Variants in CIB2 observed in about 807,000 individuals in gnomAD.
CIB2 encodes calcium and integrin binding family member 2.
CIB2 carries 19 observed loss-of-function variants against 23.1 expected under a neutral mutation model. The observed-to-expected ratio is 0.82, with a 90% CI of 0.57 to 1.21. The LOEUF (loss-of-function observed/expected upper bound fraction) is 1.21, where lower values mean the gene tolerates loss of function less well. Among genes scored for constraint, CIB2 ranks in the 50% most tolerant of loss-of-function variants. CIB2 has a pLI of 0.00. For missense variants in CIB2, 220 were observed against 241.5 expected, an observed-to-expected ratio of 0.91 and a Z score of 0.59; for synonymous variants, 94 against 91.7, an observed-to-expected ratio of 1.03 and a Z score of -0.14.
At chr15:78,111,417 C>T (rs1292994831) in intron 2 of CIB2, 141 bp from the exon 3 acceptor site, 4 of 644,460 alleles carry the variant, frequency 6.2e-6, no homozygotes, top group Admixed American at 2.9e-5. Flanking sequence ...AGGCTCTCTG[C>T]TCTGCCCACA....
chr15:78,109,255 T>C lies in CIB2; in HGVS notation c.326A>G (p.Asn109Ser). 5.4e-6 allele frequency: 8 copies of C among 1,485,162 alleles called. No homozygotes were observed. The highest frequency in any genetic ancestry group is 7.3e-6 in the Non-Finnish European group (8 of 1,102,622). 92.0% of individuals were successfully genotyped at this position (1,485,162 alleles called of 1,614,324 possible). The part of the protein sequence containing the change: ...CESAPRELKA[N>S]YAFKIYDFNT... Reference sequence around the variant, plus strand: ...GTTACCATAGATCTTGAAGGCATAGTTTGCCTTGAGCTCTCGGGGAGCCGA... The same window carrying C: ...GTTACCATAGATCTTGAAGGCATAGCTTGCCTTGAGCTCTCGGGGAGCCGA... Residue 109 changes from asparagine (N) to serine (S), a missense_variant, in exon 4 of 6, where the codon AAC (asparagine) becomes AGC (serine). Physicochemically the swap from Asn to Ser is conservative, Grantham distance 46. Coordinates refer to ENST00000258930, the MANE Select transcript of CIB2 (RefSeq NM_006383.4).
At chr15:78,105,981 C>T (rs771759537) in intron 4 of CIB2, 47 bp from the exon 5 acceptor site, 9 of 1,515,036 alleles carry the variant, frequency 5.9e-6, no homozygotes, top group Non-Finnish European at 8.2e-6. Flanking sequence ...TGCGTGCACC[C>T]AGGGACCCCT....
rs369495332 is a variant in CIB2, at chr15:78,105,941, G to T, written c.347-7C>A. The T allele has an allele frequency of 9.3e-5, 150 of 1,613,000 alleles. No homozygotes were observed. Among genetic ancestry groups the T allele is most frequent in the Non-Finnish European group, 1.2e-4 (140 of 1,179,328 alleles). On this transcript the variant is annotated splice_polypyrimidine_tract_variant and splice_region_variant and intron_variant, in intron 4 of 5. Transcript: ENST00000258930. ...AAGTTGTCAGTGTTGAAGTCTGTAG[G>T]GCAGGGGTTGGACATGTTCAAGTCC...
intron 2 of CIB2, among the ~76,000 whole-genome samples, chr15:78,117,652 G>C (rs1042817677): frequency 6.6e-6 from 1 of 152,142 alleles, no homozygotes; most frequent in African/African-American, 2.4e-5. Context: ...CTATAAACCT[G>C]GGTTTCTTAA....
At chr15:78,119,186 G>A (rs67000301) in intron 2 of CIB2, among the ~76,000 whole-genome samples, 17,791 of 151,956 alleles carry the variant, frequency 0.12, 1,295 homozygotes, top group Non-Finnish European at 0.17. Context: ...TCATGTAAGT[G>A]GAATCGTATA....
intron 1 of CIB2, among the ~76,000 whole-genome samples, chr15:78,127,323 CT>C (rs1443082564): frequency 6.6e-6 from 1 of 152,150 alleles, no homozygotes; most frequent in Non-Finnish European, 1.5e-5. Context: ...CCCATCACTG[CT>C]TGGTTCCTGA....
At chr15:78,120,460 G>C (rs1277502480) in intron 2 of CIB2, 45 of 734,108 alleles carry the variant, frequency 6.1e-5, no homozygotes, top group Non-Finnish European at 7.5e-5. Flanking sequence ...TTGGAGTGCT[G>C]GCTGGGTGGG....
In CIB2 at chr15:78,116,563, T is replaced by G. The variant is rs1158797884; in HGVS notation, c.87-5287A>C. ...ATAGGGACTTAAGCATTTGCAGTTT[T>G]TGGTATCCTTGGGAGGTCCTAGAAC... On this transcript the variant is annotated intron_variant, in intron 2 of 5. Coordinates refer to ENST00000258930, the MANE Select transcript of CIB2 (RefSeq NM_006383.4). Among the ~76,000 whole-genome samples the G allele has an allele frequency of 2.6e-5, 4 of 152,210 alleles. No homozygotes were observed. The East Asian group carries it at 7.7e-4, about 29-fold the overall frequency.
rs2074139256 is a variant in CIB2, at chr15:78,110,407, T to C, written c.198+758A>G. Among the ~76,000 whole-genome samples, 5 of 152,290 alleles carry C rather than the reference T, an allele frequency of 3.3e-5. 1 individual carries two copies. The South Asian group carries it at 8.3e-4, about 25-fold the overall frequency. On this transcript the variant is annotated intron_variant, in intron 3 of 5. Coordinates refer to ENST00000258930, the MANE Select transcript of CIB2 (RefSeq NM_006383.4). ...GTCCAGGGCTGAGCCTGGGGCCCAT[T>C]GTCTCTCAGGACTGAGGTCACAACC...
At chr15:78,105,707 C>G in intron 5 of CIB2, 32 bp downstream of exon 5, 1 of 1,613,324 alleles carries the variant, frequency 6.2e-7, no homozygotes, top group African/African-American at 1.3e-5. Context: ...CTGCTCTGCC[C>G]TGCCCAAGCC....
rs149170192 is a variant in CIB2 at position 78,105,161 on chromosome 15, G to GT, written c.*149dup. On this transcript the variant is annotated 3_prime_UTR_variant, in exon 6 of 6. Transcript: ENST00000258930. ...TTCACAGGCCCCCTTCCTGGTTAAG[G>GT]TTTTTTTTTTGCTGAAAGGGCCACA... The GT allele has an allele frequency of 0.032, 27,879 of 862,032 alleles. 10 individuals are homozygous for GT. Among genetic ancestry groups the GT allele is most frequent in the East Asian group, 0.034 (953 of 27,708 alleles). The allele number at this position is 862,032 out of a possible 1,614,324, so 53.4% of individuals were successfully genotyped here. A position where few individuals can be genotyped will look rare whatever the true frequency, so the allele number is the denominator to read the frequency against.
In CIB2 at chr15:78,131,175, T is replaced by C. The variant is rs2074450330; in HGVS notation, c.41A>G (p.Asp14Gly). ...GCGCGCCGAGCTCACCTGGTAGTTG[T>C]CTAGCTGCTCTTCGGTGAAGATGGT... ...KQTIFTEEQL[D>G]NYQDCTFFNK... Residue 14 changes from aspartate to glycine, a missense_variant, in exon 1 of 6, where the codon GAC (aspartate) becomes GGC (glycine). Asp to Gly is a moderately conservative substitution (Grantham distance 94, BLOSUM62 -1). Coordinates refer to ENST00000258930, the MANE Select transcript of CIB2 (RefSeq NM_006383.4). This position sits in a 1 kb window ranked among gnomAD's most constrained non-coding sequence, Gnocchi z 5.8. 2 of 1,590,824 alleles carry C rather than the reference T, an allele frequency of 1.3e-6. No homozygotes were observed. Among genetic ancestry groups the C allele is most frequent in the East Asian group, 2.3e-5 (1 of 43,666 alleles).
chr15:78,118,364 G>A (rs1211613063), intron 2 of CIB2, among the ~76,000 whole-genome samples: 10 of 152,086 alleles, frequency 6.6e-5, no homozygotes, highest in Admixed American at 5.9e-4. Context: ...AGCCCAAGGC[G>A]GGCAGATCAT....
intron 2 of CIB2, among the ~76,000 whole-genome samples, chr15:78,117,753 C>G (rs377596013): frequency 1.3e-5 from 2 of 152,274 alleles, no homozygotes; most frequent in East Asian, 3.8e-4. Flanking sequence ...AGTTCCCACC[C>G]GACTAGACAG....
rs1037535897 is a variant in CIB2, at chr15:78,105,838, A to G, written c.443T>C (p.Val148Ala). The change falls in exon 5 of 6, where the codon GTG becomes GCG. Residue 148 changes from valine (V) to alanine (A), a missense_variant. Coordinates refer to ENST00000258930, the MANE Select transcript of CIB2 (RefSeq NM_006383.4). ...SELDEEEVVL[V>A]CDKVIEEADL... The stretch of plus-strand genomic sequence containing the variant: ...AGCCTCCTCAATGACCTTGTCGCAC[A>G]CAAGCACCACCTCCTCCTCATCCAG... 6.2e-7 allele frequency: 1 copy of G among 1,614,148 alleles called. No individual in the cohort carries two copies. Among genetic ancestry groups the G allele is most frequent in the African/African-American group, 1.3e-5 (1 of 75,016 alleles).
chr15:78,116,970 A>AC (rs939978097), intron 2 of CIB2, among the ~76,000 whole-genome samples: 2 of 151,658 alleles, frequency 1.3e-5, no homozygotes, highest in Non-Finnish European at 2.9e-5. Context: ...CAAAAAAAAA[A>AC]ACACAACTAA....
intron 2 of CIB2, 62 bp downstream of exon 2, chr15:78,123,643 G>T: frequency 6.4e-7 from 1 of 1,574,624 alleles, no homozygotes; most frequent in Non-Finnish European, 8.7e-7. Flanking sequence ...CATGTGGGGT[G>T]CCCCAGCCTC....
chr15:78,125,413 G>A (rs992019534), intron 1 of CIB2, among the ~76,000 whole-genome samples: 1 of 152,008 alleles, frequency 6.6e-6, no homozygotes, highest in Non-Finnish European at 1.5e-5. Context: ...TCTTCCCCCC[G>A]ATCTGTCCTC....
At chr15:78,105,391 T>C in intron 5 of CIB2, 59 bp from the exon 6 acceptor site, 1 of 1,610,730 alleles carries the variant, frequency 6.2e-7, no homozygotes, top group Admixed American at 1.7e-5. Context: ...AGGTAAAGGC[T>C]CCTCAGGGAA....
Sources: allele counts gnomAD v4.1 joint callset (sites outside exome capture counted in the v4.1 genomes callset), GRCh38; gene constraint gnomAD v4.1.1; non-coding constraint Gnocchi (gnomAD v3.1); transcripts MANE v1.5; gene names NCBI Gene and HGNC (gene_info 2026-07-23, HGNC 2026-07-21).